Variants in SKAP1 observed in about 807,000 individuals in gnomAD.
SKAP1 encodes the protein src kinase associated phosphoprotein 1.
A neutral mutation model predicts 58.5 loss-of-function variants in SKAP1; 44 were observed. The observed-to-expected ratio is 0.75, with a 90% CI of 0.59 to 0.97. The LOEUF is 0.97. Ranked by LOEUF, SKAP1 falls within the 50% of genes least tolerant of loss-of-function variation. SKAP1 has a pLI of 0.00. For missense variants in SKAP1, 390 were observed against 435.2 expected (o/e 0.90, Z 0.92); for synonymous variants, 127 against 149.7 (o/e 0.85, Z 1.11).
chr17:48,325,172 C>T (rs1408244692), intron 4 of SKAP1, among the ~76,000 whole-genome samples: 1 of 145,586 alleles, frequency 6.9e-6, no homozygotes, highest in Non-Finnish European at 1.5e-5. Flanking sequence ...TGGCGTGAAC[C>T]CGGGAGGCGG....
intron 9 of SKAP1, among the ~76,000 whole-genome samples, chr17:48,172,850 G>C (rs2064235310): frequency 6.6e-6 from 1 of 152,088 alleles, no homozygotes; most frequent in African/African-American, 2.4e-5. Flanking sequence ...ATACTATAAA[G>C]CATTAAAGGA....
intron 10 of SKAP1, among the ~76,000 whole-genome samples, chr17:48,165,073 G>GA (rs2064118400): frequency 6.6e-6 from 1 of 152,276 alleles, no homozygotes; most frequent in South Asian, 2.1e-4. Context: ...AAGCACCATG[G>GA]AAAAAACAGT....
At chr17:48,208,031 G>C (rs1329649827) in intron 4 of SKAP1, among the ~76,000 whole-genome samples, 2 of 152,102 alleles carry the variant, frequency 1.3e-5, no homozygotes, top group East Asian at 3.8e-4. Context: ...CTGTTGTCTT[G>C]CATTTATGTT....
chr17:48,422,543 A>T (rs1343515002), intron 1 of SKAP1, among the ~76,000 whole-genome samples: 3 of 152,210 alleles, frequency 2.0e-5, no homozygotes, highest in African/African-American at 7.2e-5. Context: ...ACAGATCAAG[A>T]AACTGAGACC....
intron 1 of SKAP1, among the ~76,000 whole-genome samples, chr17:48,429,279 C>G (rs766892516): frequency 6.6e-6 from 1 of 152,200 alleles, no homozygotes; most frequent in Non-Finnish European, 1.5e-5. Flanking sequence ...ACTTCCACCA[C>G]GAAACCCAGC....
At chr17:48,413,073 TAAAG>T (rs2067685444) in intron 1 of SKAP1, among the ~76,000 whole-genome samples, 1 of 149,226 alleles carries the variant, frequency 6.7e-6, no homozygotes, top group African/African-American at 2.5e-5. Flanking sequence ...AAAAAAACCA[TAAAG>T]AAGTAAAAAG....
chr17:48,281,543 C>G (rs2065767503), intron 4 of SKAP1, among the ~76,000 whole-genome samples: 1 of 152,130 alleles, frequency 6.6e-6, no homozygotes, highest in Non-Finnish European at 1.5e-5. Context: ...AAAGAAAAAC[C>G]TTTATATTTC....
intron 4 of SKAP1, among the ~76,000 whole-genome samples, chr17:48,222,060 TTGG>T (rs2065012435): frequency 6.6e-6 from 1 of 152,138 alleles, no homozygotes; most frequent in South Asian, 2.1e-4. Flanking sequence ...ACAATGGTGG[TTGG>T]TGGTGCCAGA....
chr17:48,332,990 A>T (rs1321085576), intron 4 of SKAP1, among the ~76,000 whole-genome samples: 1 of 152,152 alleles, frequency 6.6e-6, no homozygotes, highest in Non-Finnish European at 1.5e-5. Context: ...ACAGAATTCA[A>T]TTTTTGCCTA....
At chr17:48,400,245 C>T (rs924854416) in intron 1 of SKAP1, among the ~76,000 whole-genome samples, 7 of 151,778 alleles carry the variant, frequency 4.6e-5, no homozygotes, top group Middle Eastern at 3.4e-3. Flanking sequence ...ACTACAGGCA[C>T]GCACCACCAC....
intron 4 of SKAP1, among the ~76,000 whole-genome samples, chr17:48,235,531 A>G (rs1405890482): frequency 1.3e-5 from 2 of 152,200 alleles, no homozygotes; most frequent in African/African-American, 4.8e-5. Context: ...CTGAATGCAG[A>G]CACAGTCATT....
At chr17:48,273,512 G>T (rs1228008022) in intron 4 of SKAP1, among the ~76,000 whole-genome samples, 1 of 150,406 alleles carries the variant, frequency 6.6e-6, no homozygotes, top group Non-Finnish European at 1.5e-5. Context: ...CGCCTCCCTG[G>T]GTTCAAGTGA....
intron 4 of SKAP1, among the ~76,000 whole-genome samples, chr17:48,300,454 T>C (rs964133554): frequency 1.3e-5 from 2 of 152,174 alleles, no homozygotes; most frequent in South Asian, 4.1e-4. Flanking sequence ...ACTTTTGTTG[T>C]GCTTCTGTGA....
intron 2 of SKAP1, among the ~76,000 whole-genome samples, chr17:48,389,343 A>G (rs893846201): frequency 3.3e-5 from 5 of 152,034 alleles, no homozygotes; most frequent in Non-Finnish European, 7.4e-5. Flanking sequence ...CCTGGAAGGG[A>G]CACCCTTCGA....
chr17:48,414,184 GT>G (rs1457881455), intron 1 of SKAP1, among the ~76,000 whole-genome samples: 1 of 152,186 alleles, frequency 6.6e-6, no homozygotes, highest in East Asian at 1.9e-4. Context: ...AACAAAGGAA[GT>G]TATGGGTGTA....
Position 48,180,114 on chromosome 17 carries a change from C to T in SKAP1, c.766G>A (p.Val256Met). 1 of 1,613,424 alleles carries T rather than the reference C, an allele frequency of 6.2e-7. No homozygotes were observed. The change falls in exon 9 of 13, where the codon GTG (valine) becomes ATG (methionine). Residue 256 changes from valine to methionine, a missense_variant. Val to Met is a conservative substitution (Grantham distance 21). Coordinates refer to ENST00000336915, the MANE Select transcript of SKAP1 (RefSeq NM_003726.4). ...TCCTCTGTAGGCTCTTTTATCCCCA[C>T]ACTCCCAGGCAAGATAGTGGGTCTG... ...QCRPTILPGS[V>M]GIKEPTEEKE...
intron 4 of SKAP1, among the ~76,000 whole-genome samples, chr17:48,278,754 G>A (rs566002672): frequency 5.9e-5 from 9 of 152,274 alleles, no homozygotes; most frequent in African/African-American, 2.2e-4. Context: ...GGAAGTCAAA[G>A]ATGAGAGCAC....
At chr17:48,144,074 T>A (rs1430550474) in intron 11 of SKAP1, among the ~76,000 whole-genome samples, 1 of 152,144 alleles carries the variant, frequency 6.6e-6, no homozygotes, top group Non-Finnish European at 1.5e-5. Flanking sequence ...TGATGAGAAC[T>A]GAAATGAGTG....
chr17:48,162,651 A>T lies in SKAP1; in HGVS notation c.878-82T>A. On this transcript the variant is annotated intron_variant, in intron 10 of 12. Coordinates refer to ENST00000336915, the MANE Select transcript of SKAP1 (RefSeq NM_003726.4). ...CATGTTTTTGCTGCAAATGGAAACC[A>T]GGGTTCTGATATTGCCCCTAGGAAA... 5.8e-6 allele frequency: 6 copies of T among 1,042,468 alleles called. No homozygotes were observed. The South Asian group carries it at 8.4e-5, about 15-fold the overall frequency. The allele number at this position is 1,042,468 out of a possible 1,614,324, so 64.6% of individuals were successfully genotyped here. A position where few individuals can be genotyped will look rare whatever the true frequency, so the allele number is the denominator to read the frequency against.
Sources: allele counts gnomAD v4.1 joint callset (sites outside exome capture counted in the v4.1 genomes callset), GRCh38; gene constraint gnomAD v4.1.1; transcripts MANE v1.5; gene names NCBI Gene and HGNC (gene_info 2026-07-23, HGNC 2026-07-21).